The following PKHD1 variants were observed in gnomAD, a reference collection of about 807,000 sequenced individuals.
The protein encoded by PKHD1 is PKHD1 ciliary IPT domain containing fibrocystin/polyductin.
In PKHD1, 291 loss-of-function variants were observed where a neutral mutation model predicts 412.0. The observed-to-expected ratio is 0.71, with a 90% CI of 0.64 to 0.78. The LOEUF (loss-of-function observed/expected upper bound fraction) is 0.78, where lower values mean the gene tolerates loss of function less well. Among genes scored for constraint, PKHD1 ranks in the 30% least tolerant of loss-of-function variants. The probability of loss-of-function intolerance (pLI) is 0.00; values close to 1 mark genes in which losing one functional copy is unlikely to be tolerated. For missense variants in PKHD1, 4,825 were observed against 4,950.7 expected (o/e 0.97, Z 0.76); for synonymous variants, 1,777 against 1,821.5 (o/e 0.98, Z 0.62).
intron 36 of PKHD1, among the ~76,000 whole-genome samples, chr6:51,942,291 T>C (rs2474890): frequency 0.7 from 105,150 of 151,256 alleles, 37,862 homozygotes; most frequent in East Asian, 0.94. Context: ...GAACTGGGAC[T>C]GTGCCCTGTA....
At chr6:51,653,000 G>A (rs1771205991) in intron 61 of PKHD1, among the ~76,000 whole-genome samples, 1 of 152,064 alleles carries the variant, frequency 6.6e-6, no homozygotes, top group Non-Finnish European at 1.5e-5. Flanking sequence ...AAATTCTTTA[G>A]TCAATTCTAA....
chr6:51,959,505 G>A (rs892918877), intron 36 of PKHD1, among the ~76,000 whole-genome samples: 5 of 152,062 alleles, frequency 3.3e-5, no homozygotes, highest in African/African-American at 7.2e-5. Context: ...TTCTTGGCAG[G>A]GTATTTCAAA....
chr6:52,050,254 G>C lies in PKHD1; in HGVS notation c.2182C>G (p.Leu728Val), dbSNP rs1187978765. ...DSGTARPGGN[L>V]VESVSVVGSP... Reference sequence around the variant, plus strand: ...CCCACCACAGAGACTGATTCCACCAGATTGCCCCCTGGGCGAGCCGTTCCA... The same window carrying C: ...CCCACCACAGAGACTGATTCCACCACATTGCCCCCTGGGCGAGCCGTTCCA... Residue 728 changes from leucine (L) to valine (V), a missense_variant, in exon 22 of 67, where the codon CTG (leucine) becomes GTG (valine). Transcript: ENST00000371117. The C allele has an allele frequency of 6.2e-7, 1 of 1,614,194 alleles. No individual in the cohort carries two copies.
At chr6:52,007,429 G>A (rs553034466) in intron 35 of PKHD1, among the ~76,000 whole-genome samples, 3 of 152,242 alleles carry the variant, frequency 2.0e-5, no homozygotes, top group South Asian at 4.2e-4. Context: ...TCTTCCCCAC[G>A]CCCAGATAAC....
rs1805761858 is a variant in PKHD1, at chr6:52,046,067, GC to G, written c.2528del (p.Cys843SerfsTer31). The G allele has an allele frequency of 6.2e-7, 1 of 1,613,496 alleles. No individual in the cohort carries two copies. The highest frequency in any genetic ancestry group is 1.3e-5 in the African/African-American group (1 of 74,920). On this transcript the variant is annotated frameshift_variant, in exon 24 of 67. Coordinates refer to ENST00000371117, the MANE Select transcript of PKHD1 (RefSeq NM_138694.4). LOFTEE classifies it high-confidence loss of function. ...DFTVKEDLYT[C>X]YEHVWTLSWS... is the part of the protein sequence containing the mutation. ...AGGACAAGGTCCACACGTGTTCGTA[GC>G]AAGTGTATAGATCCTCCTTCACAGT...
chr6:51,789,006 G>C (rs1416737224), intron 53 of PKHD1, among the ~76,000 whole-genome samples: 2 of 152,162 alleles, frequency 1.3e-5, no homozygotes, highest in Non-Finnish European at 1.5e-5. Context: ...ATCTGACTTA[G>C]AGCCCATTCT....
Position 52,045,014 on chromosome 6 carries a change from A to G in PKHD1, c.2667T>C (p.Leu889=), listed in dbSNP as rs985733934. 1 of 1,613,698 alleles carries G rather than the reference A, an allele frequency of 6.2e-7. No homozygotes were observed. The highest frequency in any genetic ancestry group is 1.3e-5 in the African/African-American group (1 of 74,922). The change falls in exon 25 of 67, where the codon CTT becomes CTC. Residue 889 remains leucine (L), a synonymous_variant. Transcript: ENST00000371117. ...CCAACATGTCTCCAAATATGGGTCC[A>G]AGAAAAACTCCACCATCATATACCA... ...TRVVYDGGVF[L]GPIFGDMLAT...
chr6:51,969,496 C>T (rs78894512), intron 35 of PKHD1, among the ~76,000 whole-genome samples: 3,745 of 152,212 alleles, frequency 0.025, 55 homozygotes, highest in Non-Finnish European at 0.037. Flanking sequence ...TTTAGTGTAA[C>T]CAACATCTGA....
At chr6:51,864,301 A>C (rs1318919130) in intron 48 of PKHD1, among the ~76,000 whole-genome samples, 1 of 152,174 alleles carries the variant, frequency 6.6e-6, no homozygotes, top group African/African-American at 2.4e-5. Context: ...GAATTCTTTA[A>C]AAGTTTCACG....
intron 64 of PKHD1, among the ~76,000 whole-genome samples, chr6:51,635,295 T>A (rs562935350): frequency 6.6e-6 from 1 of 152,194 alleles, no homozygotes; most frequent in African/African-American, 2.4e-5. Context: ...CATTTTTGTA[T>A]AGAACACAAA....
chr6:51,755,864 T>C (rs1286173261), intron 55 of PKHD1, among the ~76,000 whole-genome samples: 1 of 152,012 alleles, frequency 6.6e-6, no homozygotes, highest in Non-Finnish European at 1.5e-5. Flanking sequence ...GCTAGAGACA[T>C]ACGATAAATA....
At chr6:52,006,450 T>C (rs1459332444) in intron 35 of PKHD1, among the ~76,000 whole-genome samples, 8 of 152,048 alleles carry the variant, frequency 5.3e-5, no homozygotes, top group Non-Finnish European at 1.2e-4. Flanking sequence ...AATCCTGGCT[T>C]GCTGCAACAT....
chr6:51,965,560 G>T (rs966540032), intron 35 of PKHD1, among the ~76,000 whole-genome samples: 1 of 151,814 alleles, frequency 6.6e-6, no homozygotes, highest in Non-Finnish European at 1.5e-5. Flanking sequence ...GGCTCTAAGT[G>T]ATCACTTTCT....
chr6:51,623,960 T>C (rs913802424), intron 66 of PKHD1, among the ~76,000 whole-genome samples: 51 of 152,364 alleles, frequency 3.3e-4, no homozygotes, highest in African/African-American at 1.1e-3. Context: ...GAATGACTTA[T>C]GTGTTTTCCT....
intron 65 of PKHD1, among the ~76,000 whole-genome samples, chr6:51,631,939 CTT>C (rs1196969455): frequency 1.1e-4 from 14 of 129,980 alleles, no homozygotes; most frequent in East Asian, 2.2e-4. Context: ...TTTTTTTTTT[CTT>C]TTTTTTTTTT....
chr6:51,996,226 G>A (rs1456630311), intron 35 of PKHD1, among the ~76,000 whole-genome samples: 1 of 137,116 alleles, frequency 7.3e-6, no homozygotes, highest in East Asian at 2.2e-4. Flanking sequence ...GGCCAGGATA[G>A]TCTCGATCTC....
At chr6:51,893,649 T>C (rs1006842279) in intron 43 of PKHD1, among the ~76,000 whole-genome samples, 5 of 152,234 alleles carry the variant, frequency 3.3e-5, no homozygotes, top group African/African-American at 9.7e-5. Context: ...ATCAATTATT[T>C]GCGGAAGTCA....
chr6:51,939,643 TGACGTCCA>T lies in PKHD1; in HGVS notation c.5909-5329_5909-5322del, dbSNP rs554029816. On this transcript the variant is annotated intron_variant, in intron 36 of 66. Coordinates refer to ENST00000371117, the MANE Select transcript of PKHD1 (RefSeq NM_138694.4). ...AAATAGACAAACCGTCTGAGATGCC[TGACGTCCA>T]GACATTCTTTTACACATTGTTTCCT... Among the ~76,000 whole-genome samples, 200 of 151,768 alleles carry T rather than the reference TGACGTCCA, an allele frequency of 1.3e-3. 5 individuals are homozygous for T. Among genetic ancestry groups the T allele is most frequent in the African/African-American group, 4.6e-3 (192 of 41,518 alleles).
intron 50 of PKHD1, among the ~76,000 whole-genome samples, chr6:51,847,327 CCTAGA>C (rs1384400671): frequency 6.8e-6 from 1 of 147,742 alleles, no homozygotes; most frequent in Non-Finnish European, 1.5e-5. Context: ...GTCTCAAACT[CCTAGA>C]CTAAAGCACA....
Sources: allele counts gnomAD v4.1 joint callset (sites outside exome capture counted in the v4.1 genomes callset), GRCh38; gene constraint gnomAD v4.1.1; transcripts MANE v1.5; gene names NCBI Gene and HGNC (gene_info 2026-07-23, HGNC 2026-07-21).